KLHL32: variants seen among roughly 807,000 people sequenced by gnomAD.
The protein encoded by KLHL32 is kelch like family member 32.
KLHL32 carries 35 observed loss-of-function variants against 64.8 expected under a neutral mutation model. The observed-to-expected ratio is 0.54, with a 90% CI of 0.41 to 0.72. KLHL32 has a LOEUF of 0.72. Ranked by LOEUF, KLHL32 falls within the 30% of genes least tolerant of loss-of-function variation. KLHL32 has a pLI of 0.00. For missense variants in KLHL32, 589 were observed against 768.5 expected (o/e 0.77, Z 2.76); for synonymous variants, 259 against 281.0 (o/e 0.92, Z 0.78).
intron 7 of KLHL32, among the ~76,000 whole-genome samples, chr6:97,119,298 C>T (rs140391539): frequency 1.4e-3 from 207 of 152,288 alleles, no homozygotes; most frequent in Middle Eastern, 3.4e-3. Context: ...GGAACTTCTT[C>T]ACTTTCCTCA....
At chr6:96,996,471 A>G (rs1160955014) in intron 3 of KLHL32, among the ~76,000 whole-genome samples, 1 of 152,176 alleles carries the variant, frequency 6.6e-6, no homozygotes, top group Non-Finnish European at 1.5e-5. Context: ...AAGACTATAA[A>G]TGAGTATAAT....
Position 96,977,756 on chromosome 6 carries a change from A to G in KLHL32, c.204+1579A>G, listed in dbSNP as rs183889518. Among the ~76,000 whole-genome samples, 537 of 152,352 alleles carry G rather than the reference A, an allele frequency of 3.5e-3. 2 individuals are homozygous for G. The highest frequency in any genetic ancestry group is 0.012 in the African/African-American group (514 of 41,580). ...AGAGATTTTTCAAAGATGCCAAAGC[A>G]TAGAAGACAGCCTTTTTTAAAAAGC... On this transcript the variant is annotated intron_variant, in intron 3 of 10. Transcript: ENST00000369261.
intron 1 of KLHL32, among the ~76,000 whole-genome samples, chr6:96,945,692 A>G (rs569650606): frequency 5.3e-5 from 8 of 152,198 alleles, no homozygotes; most frequent in Non-Finnish European, 7.3e-5. Context: ...AATTTTGGTC[A>G]TTGTAGGAAA....
chr6:96,929,493 A>G (rs1212051715), intron 1 of KLHL32, among the ~76,000 whole-genome samples: 4 of 152,202 alleles, frequency 2.6e-5, no homozygotes, highest in Non-Finnish European at 5.9e-5. Context: ...TGTAGAGCAG[A>G]ACTTAAGAAT....
chr6:97,008,485 C>G (rs758367358), intron 3 of KLHL32, among the ~76,000 whole-genome samples: 1 of 152,088 alleles, frequency 6.6e-6, no homozygotes, highest in Admixed American at 6.5e-5. Flanking sequence ...CCTAGAGGAG[C>G]GTAGGTGTCC....
chr6:96,923,106 G>A (rs1291268443), upstream of KLHL32, among the ~76,000 whole-genome samples: 1 of 152,206 alleles, frequency 6.6e-6, no homozygotes, highest in South Asian at 2.1e-4. Flanking sequence ...AGTTGGTGGT[G>A]TAAATATTCT....
At chr6:97,040,772 C>T (rs989903718) in intron 3 of KLHL32, among the ~76,000 whole-genome samples, 2 of 152,112 alleles carry the variant, frequency 1.3e-5, no homozygotes, top group Non-Finnish European at 2.9e-5. Flanking sequence ...ATCATGGGGG[C>T]GATTTCCCCC....
the KLHL32 span, among the ~76,000 whole-genome samples, chr6:96,917,364 C>T: frequency 6.6e-6 from 1 of 152,190 alleles, no homozygotes; most frequent in African/African-American, 2.4e-5. Context: ...AGACTCATAA[C>T]CTGTAGTCCT....
At chr6:97,039,748 A>C (rs1784849615) in intron 3 of KLHL32, among the ~76,000 whole-genome samples, 1 of 151,364 alleles carries the variant, frequency 6.6e-6, no homozygotes, top group Non-Finnish European at 1.5e-5. Context: ...TGAACCTGGG[A>C]GGCAAAGGTT....
intron 3 of KLHL32, among the ~76,000 whole-genome samples, chr6:97,020,132 A>G (rs907137709): frequency 3.9e-4 from 59 of 151,864 alleles, no homozygotes; most frequent in Admixed American, 1.3e-4. Context: ...TAGTAGAGAC[A>G]GGGTTTCACC....
chr6:97,028,108 A>T (rs2128111284), intron 3 of KLHL32, among the ~76,000 whole-genome samples: 1 of 152,178 alleles, frequency 6.6e-6, no homozygotes, highest in Admixed American at 6.5e-5. Context: ...GGCGGGGAGG[A>T]CTGACTACCC....
intron 3 of KLHL32, among the ~76,000 whole-genome samples, chr6:96,991,244 C>T (rs1777838248): frequency 6.6e-6 from 1 of 151,908 alleles, no homozygotes; most frequent in Non-Finnish European, 1.5e-5. Context: ...CCCAGGGAAA[C>T]TTAGAGCCAC....
chr6:96,919,596 T>C, the KLHL32 span, among the ~76,000 whole-genome samples: 2 of 152,226 alleles, frequency 1.3e-5, no homozygotes, highest in African/African-American at 4.8e-5. Flanking sequence ...ATTTTTTTTC[T>C]GACTGTGATG....
At position 96,977,667 on chromosome 6, in the gene KLHL32, A is replaced by G. The variant is rs149479460; in HGVS notation, c.204+1490A>G. The stretch of plus-strand genomic sequence containing the variant: ...TTGATTGGTTTGAATATTTCTAATA[A>G]TACTGTTGGTTTTGTTATTTAAGAG... On this transcript the variant is annotated intron_variant, in intron 3 of 10. Coordinates refer to ENST00000369261, the MANE Select transcript of KLHL32 (RefSeq NM_052904.4). 1.4e-3 allele frequency among the ~76,000 whole-genome samples: 207 copies of G among 152,306 alleles called. 2 individuals carry two copies. The East Asian group carries it at 0.033, about 24-fold the overall frequency.
At chr6:97,138,740 T>G (rs892690800) in intron 10 of KLHL32, among the ~76,000 whole-genome samples, 1 of 152,182 alleles carries the variant, frequency 6.6e-6, no homozygotes, top group African/African-American at 2.4e-5. Context: ...AGGTCTTGTT[T>G]TCTTCATTTC....
intron 3 of KLHL32, among the ~76,000 whole-genome samples, chr6:97,017,458 G>C (rs538652781): frequency 2.0e-5 from 3 of 152,246 alleles, no homozygotes; most frequent in Admixed American, 2.0e-4. Context: ...TTCTGGAGAG[G>C]GACTGATGGA....
intron 2 of KLHL32, among the ~76,000 whole-genome samples, chr6:96,973,730 C>CTTTTTTTTTTTTT (rs558193523): frequency 6.8e-5 from 8 of 118,254 alleles, no homozygotes; most frequent in Non-Finnish European, 1.0e-4. Flanking sequence ...TACAGATTGC[C>CTTTTTTTTTTTTT]TTTTTTTTTT....
At chr6:96,997,389 A>G (rs1329568251) in intron 3 of KLHL32, among the ~76,000 whole-genome samples, 1 of 151,926 alleles carries the variant, frequency 6.6e-6, no homozygotes, top group African/African-American at 2.4e-5. Flanking sequence ...CCCCTAAAAC[A>G]CCCACATATG....
chr6:97,079,056 G>A (rs1387976267), intron 5 of KLHL32, among the ~76,000 whole-genome samples: 1 of 152,174 alleles, frequency 6.6e-6, no homozygotes, highest in East Asian at 1.9e-4. Flanking sequence ...TGGTAAATAT[G>A]CAGACTCTAG....
Sources: gnomAD v4.1 joint callset for allele counts (sites outside exome capture counted in the v4.1 genomes callset) on GRCh38, gnomAD v4.1.1 for gene constraint, MANE v1.5 for transcripts, NCBI Gene and HGNC (gene_info 2026-07-23, HGNC 2026-07-21) for gene names.